CD36: variants seen among roughly 807,000 people sequenced by gnomAD.
The protein encoded by CD36 is CD36 molecule (CD36 blood group).
In CD36, 119 loss-of-function variants were observed where a neutral mutation model predicts 55.2. That is an observed-to-expected ratio of 2.15 (90% confidence interval 1.86 to 2.51). The LOEUF is 2.51. CD36 is among the 30% of genes most tolerant of loss of function. CD36 has a pLI of 0.00. For missense variants in CD36, 819 were observed against 555.5 expected, an observed-to-expected ratio of 1.47 and a Z score of -4.77; for synonymous variants, 186 against 193.6, an observed-to-expected ratio of 0.96 and a Z score of 0.33.
intron 6 of CD36, 115 bp downstream of exon 6, chr7:80,663,284 C>A: frequency 1.1e-6 from 1 of 877,122 alleles, no homozygotes; most frequent in Non-Finnish European, 1.9e-6. Context: ...GATCTGGAGA[C>A]ATATATCCTA....
intron 1 of CD36, among the ~76,000 whole-genome samples, chr7:80,610,216 G>T (rs1030130600): frequency 1.3e-5 from 2 of 152,110 alleles, no homozygotes; most frequent in African/African-American, 4.8e-5. Context: ...TTTAAAAATT[G>T]TTACTATATT....
rs767208924 is a variant in CD36 at position 80,656,539 on chromosome 7, G to A, written c.121-1G>A. 8 of 1,613,066 alleles carry A rather than the reference G, an allele frequency of 5.0e-6. No individual in the cohort carries two copies. In the African/African-American group the frequency reaches 5.3e-5, roughly 11 times the overall value. On this transcript the variant is annotated splice_acceptor_variant, in intron 3 of 14. Transcript: ENST00000447544. LOFTEE classifies it high-confidence loss of function. ...ACCCAAACTTATTTTCTTTTTCATA[G>A]CAAGTTGTCCTCGAAGAAGGTACAA...
chr7:80,641,942 C>A (rs1257841728), intron 1 of CD36, among the ~76,000 whole-genome samples: 6 of 147,968 alleles, frequency 4.1e-5, no homozygotes, highest in African/African-American at 5.0e-5. Flanking sequence ...ACCTGATAAC[C>A]AAAAAAAAAA....
intron 1 of CD36, among the ~76,000 whole-genome samples, chr7:80,623,020 T>C (rs1290788379): frequency 7.1e-6 from 1 of 139,924 alleles, no homozygotes; most frequent in African/African-American, 2.6e-5. Flanking sequence ...TTTTTTTTTT[T>C]ACTCTATTAT....
At chr7:80,643,783 A>T (rs1474676796) in intron 1 of CD36, among the ~76,000 whole-genome samples, 1 of 152,168 alleles carries the variant, frequency 6.6e-6, no homozygotes. Flanking sequence ...TAGAGAGATT[A>T]TGTGGCTTGT....
rs1562825430 is a variant in CD36 at position 80,672,802 on chromosome 7, G to A, written c.1158G>A (p.Arg386=). 6.2e-7 allele frequency: 1 copy of A among 1,610,890 alleles called. No homozygotes were observed. Among genetic ancestry groups the A allele is most frequent in the Non-Finnish European group, 8.5e-7 (1 of 1,178,180 alleles). The stretch of plus-strand genomic sequence containing the variant: ...GATTCACTTTACAATTTGCAAAACG[G>A]CTGCAGGTCAACCTATTGGTCAAGC... ...ITGFTLQFAK[R]LQVNLLVKPS... Residue 386 remains arginine (R), a synonymous_variant, in exon 12 of 15, where the codon CGG becomes CGA. Transcript: ENST00000447544.
chr7:80,671,675 A>T (rs930351150), intron 10 of CD36, among the ~76,000 whole-genome samples: 12 of 151,326 alleles, frequency 7.9e-5, no homozygotes, highest in Middle Eastern at 3.4e-3. Context: ...TGGAAGAAGA[A>T]AGAAAAAACT....
chr7:80,603,473 C>T (rs561680797), intron 1 of CD36, among the ~76,000 whole-genome samples: 120 of 152,204 alleles, frequency 7.9e-4, no homozygotes, highest in African/African-American at 2.8e-3. Context: ...GGATCTCTAT[C>T]TCAAAGAGAA....
intron 8 of CD36, among the ~76,000 whole-genome samples, chr7:80,667,747 G>GTTTTTTGTTTTTTTTTTTTTTTTT (rs1363671181): frequency 1.2e-5 from 1 of 82,636 alleles, no homozygotes; most frequent in African/African-American, 4.2e-5. Flanking sequence ...GTTTTCTTTT[G>GTTTTTTGTTTTTTTTTTTTTTTTT]TTTTTTTTTT....
intron 1 of CD36, chr7:80,626,141 T>G (rs1427092196): frequency 6.6e-6 from 1 of 152,066 alleles, no homozygotes; most frequent in Non-Finnish European, 1.5e-5. Context: ...GCTTAGAAAC[T>G]CAGCGACTAT....
intron 3 of CD36, among the ~76,000 whole-genome samples, chr7:80,655,748 T>C (rs1178854549): frequency 2.6e-5 from 4 of 151,974 alleles, no homozygotes; most frequent in African/African-American, 7.2e-5. Context: ...GCTCAGGAGT[T>C]CAAGGTCAGC....
At chr7:80,659,199 A>G (rs1796329834) in intron 4 of CD36, among the ~76,000 whole-genome samples, 1 of 152,170 alleles carries the variant, frequency 6.6e-6, no homozygotes, top group Non-Finnish European at 1.5e-5. Context: ...GTGTTGAGCT[A>G]AACATGCTTT....
rs753352924 is a variant in CD36 at position 80,672,005 on chromosome 7, G to C, written c.1090G>C (p.Glu364Gln). Residue 364 changes from glutamate (E) to glutamine (Q), a missense_variant, in exon 11 of 15, where the codon GAA (glutamate) becomes CAA (glutamine). Glu to Gln is a conservative substitution (Grantham distance 29). Coordinates refer to ENST00000447544, the MANE Select transcript of CD36 (RefSeq NM_001001548.3). ...ACCTATTGATGGATTAAACCCAAAT[G>C]AAGAAGAACATAGGACATACTTGGA... is the stretch of plus-strand genomic sequence containing the variant. ...SEPIDGLNPN[E>Q]EEHRTYLDIE... 2 of 1,608,554 alleles carry C rather than the reference G, an allele frequency of 1.2e-6. No homozygotes were observed. Among genetic ancestry groups the C allele is most frequent in the South Asian group, 2.2e-5 (2 of 90,928 alleles).
intron 3 of CD36, among the ~76,000 whole-genome samples, chr7:80,654,637 C>A (rs1349252477): frequency 1.3e-5 from 2 of 151,898 alleles, no homozygotes; most frequent in Non-Finnish European, 1.5e-5. Context: ...TTTTTGGGAG[C>A]AAATAAAAAG....
intron 4 of CD36, among the ~76,000 whole-genome samples, chr7:80,660,632 T>G (rs3211890): frequency 0.012 from 1,797 of 152,300 alleles, 41 homozygotes; most frequent in African/African-American, 0.041. Flanking sequence ...CACTCAAATA[T>G]CTGCATTTCC....
chr7:80,638,849 A>T (rs1794614359), intron 1 of CD36, 103 bp downstream of exon 1: 1 of 151,364 alleles, frequency 6.6e-6, no homozygotes, highest in Non-Finnish European at 1.5e-5. Context: ...CTAAGAAGTT[A>T]TATAGGAGGA....
At chr7:80,631,134 C>T (rs1474734309) in intron 1 of CD36, among the ~76,000 whole-genome samples, 1 of 151,970 alleles carries the variant, frequency 6.6e-6, no homozygotes. Flanking sequence ...GAGTGACATT[C>T]TGTAGCAATT....
chr7:80,635,273 G>GTTT (rs1794326107), upstream of CD36, among the ~76,000 whole-genome samples: 1 of 41,432 alleles, frequency 2.4e-5, no homozygotes, highest in Non-Finnish European at 4.5e-5. Flanking sequence ...GCAATTATTT[G>GTTT]TTGTTGTTTT....
intron 3 of CD36, among the ~76,000 whole-genome samples, chr7:80,648,157 A>G (rs1795312894): frequency 6.6e-6 from 1 of 152,128 alleles, no homozygotes; most frequent in Admixed American, 6.6e-5. Context: ...AATACAGGCC[A>G]ATGGAAACAG....
Sources: gnomAD v4.1 joint callset for allele counts (sites outside exome capture counted in the v4.1 genomes callset) on GRCh38, gnomAD v4.1.1 for gene constraint, MANE v1.5 for transcripts, NCBI Gene and HGNC (gene_info 2026-07-23, HGNC 2026-07-21) for gene names.